NWD2: variants seen among roughly 807,000 people sequenced by gnomAD.
NWD2 encodes the protein NACHT and WD repeat domain-containing protein 2.
In NWD2, 37 loss-of-function variants were observed where a neutral mutation model predicts 132.7. That is an observed-to-expected ratio of 0.28 (90% CI 0.21 to 0.37). The LOEUF (loss-of-function observed/expected upper bound fraction) is 0.37, where lower values mean the gene tolerates loss of function less well. NWD2 is among the 10% of genes least tolerant of loss of function. The probability of loss-of-function intolerance (pLI) is 1.00; values close to 1 mark genes in which losing one functional copy is unlikely to be tolerated. For missense variants in NWD2, 1,592 were observed against 2,122.4 expected, an observed-to-expected ratio of 0.75 and a Z score of 4.91; for synonymous variants, 705 against 803.0, an observed-to-expected ratio of 0.88 and a Z score of 2.06.
At chr4:37,424,313 T>C (rs1711927694) in intron 3 of NWD2, among the ~76,000 whole-genome samples, 1 of 152,144 alleles carries the variant, frequency 6.6e-6, no homozygotes, top group Non-Finnish European at 1.5e-5. Flanking sequence ...AATAACTTGA[T>C]GAAGTAGAAA....
intron 3 of NWD2, among the ~76,000 whole-genome samples, chr4:37,382,960 G>T (rs978323909): frequency 7.2e-5 from 11 of 151,898 alleles, no homozygotes; most frequent in Non-Finnish European, 1.2e-4. Context: ...TCCCAAAGTG[G>T]TGGGGTTACT....
Position 37,354,940 on chromosome 4 carries a change from A to G in NWD2, c.241-1426A>G, listed in dbSNP as rs966850150. On this transcript the variant is annotated intron_variant, in intron 2 of 6. Transcript: ENST00000309447. ...GCCTGTCCATTATTTAACAAATTAG[A>G]CTATTTTATAGCCCTATTTATTCAT... is the stretch of plus-strand genomic sequence containing the variant. Among the ~76,000 whole-genome samples the G allele has an allele frequency of 1.1e-4, 16 of 152,096 alleles. 1 individual carries two copies. The highest frequency in any genetic ancestry group is 1.5e-5 in the Non-Finnish European group (1 of 68,010).
chr4:37,395,584 C>CAAAAAAAAAA (rs1156884728), intron 3 of NWD2, among the ~76,000 whole-genome samples: 580 of 18,276 alleles, frequency 0.032, 150 homozygotes, highest in Non-Finnish European at 0.042. Context: ...AACTCTGTCT[C>CAAAAAAAAAA]AAAAAAAAAA....
At chr4:37,356,763 TAAG>T (rs1719879095) in intron 3 of NWD2, among the ~76,000 whole-genome samples, 1 of 152,212 alleles carries the variant, frequency 6.6e-6, no homozygotes, top group South Asian at 2.1e-4. Flanking sequence ...TGATCAACAA[TAAG>T]GATTACTCTT....
In NWD2 at chr4:37,448,422, T is replaced by G. The variant is rs1712700721; in HGVS notation, c.*1205T>G. 1 of 152,220 alleles carries G rather than the reference T, an allele frequency of 6.6e-6. No individual in the cohort carries two copies. Among genetic ancestry groups the G allele is most frequent in the South Asian group, 2.1e-4 (1 of 4,830 alleles). The allele number at this position is 152,220 out of a possible 1,614,324, so 9.4% of individuals were successfully genotyped here. A position where few individuals can be genotyped will look rare whatever the true frequency, so the allele number is the denominator to read the frequency against. The stretch of plus-strand genomic sequence containing the variant: ...TCCTGATTGAGGACTCTTCTGAGCC[T>G]TTTATAGTCCTATCCATTTCAAAGC... On this transcript the variant is annotated 3_prime_UTR_variant, in exon 7 of 7. Coordinates refer to ENST00000309447, the MANE Select transcript of NWD2 (RefSeq NM_001144990.2).
At chr4:37,337,306 A>G (rs1719429128) in intron 2 of NWD2, among the ~76,000 whole-genome samples, 1 of 152,188 alleles carries the variant, frequency 6.6e-6, no homozygotes. Context: ...GTAGCTTTCA[A>G]AAGAAATTGC....
chr4:37,278,118 G>A (rs1424645148), intron 1 of NWD2, among the ~76,000 whole-genome samples: 4 of 152,080 alleles, frequency 2.6e-5, no homozygotes, highest in Admixed American at 2.6e-4. Flanking sequence ...TGTGTGTATG[G>A]GATGGGTAAT....
intron 3 of NWD2, among the ~76,000 whole-genome samples, chr4:37,414,820 T>A (rs772609156): frequency 6.6e-6 from 1 of 152,254 alleles, no homozygotes; most frequent in Non-Finnish European, 1.5e-5. Flanking sequence ...AGCATTTATG[T>A]GTCAGTTACC....
At position 37,347,854 on chromosome 4, in the gene NWD2, C is replaced by T. The variant is rs115565195; in HGVS notation, c.241-8512C>T. On this transcript the variant is annotated intron_variant, in intron 2 of 6. Coordinates refer to ENST00000309447, the MANE Select transcript of NWD2 (RefSeq NM_001144990.2). ...TCAACCACATCCAAATGGTGTCAGC[C>T]AAAAGAATCGAGACGAGATTATGTG... Among the ~76,000 whole-genome samples, 1,098 of 152,166 alleles carry T rather than the reference C, an allele frequency of 7.2e-3. 12 individuals are homozygous for T. Among genetic ancestry groups the T allele is most frequent in the African/African-American group, 0.024 (1,005 of 41,500 alleles).
chr4:37,268,179 A>G (rs1484158245), intron 1 of NWD2, among the ~76,000 whole-genome samples: 4 of 151,928 alleles, frequency 2.6e-5, no homozygotes, highest in Non-Finnish European at 5.9e-5. Context: ...GGGTCATCCT[A>G]CTAGCCCATT....
intron 2 of NWD2, among the ~76,000 whole-genome samples, chr4:37,336,996 G>T (rs968790342): frequency 1.4e-5 from 2 of 146,780 alleles, no homozygotes; most frequent in Admixed American, 6.8e-5. Context: ...CCTGTCAAAT[G>T]AGTAACTTTT....
intron 1 of NWD2, among the ~76,000 whole-genome samples, chr4:37,276,627 C>G (rs1180766558): frequency 6.6e-6 from 1 of 152,008 alleles, no homozygotes; most frequent in African/African-American, 2.4e-5. Context: ...ATTATAAATC[C>G]TTTATATCCT....
At chr4:37,408,750 G>A (rs561747051) in intron 3 of NWD2, among the ~76,000 whole-genome samples, 1 of 152,308 alleles carries the variant, frequency 6.6e-6, no homozygotes, top group South Asian at 2.1e-4. Context: ...TCTCCCAGTA[G>A]AGGCTGACAG....
In NWD2 at chr4:37,443,956, A is replaced by G; in HGVS notation, c.1968A>G (p.Lys656=). The change falls in exon 7 of 7, where the codon AAA becomes AAG. Residue 656 remains lysine (K), a synonymous_variant. Coordinates refer to ENST00000309447, the MANE Select transcript of NWD2 (RefSeq NM_001144990.2). The surrounding 1 kb of genome is among the most constrained non-coding windows in gnomAD (Gnocchi z 4.1). ...FWSLEKKCGQ[K]LVSRALGYIT... ...CCTTGGAGAAGAAGTGTGGTCAGAAACTGGTCTCTAGGGCTCTTGGTTACA... is the reference window on the plus strand; with the variant it reads ...CCTTGGAGAAGAAGTGTGGTCAGAAGCTGGTCTCTAGGGCTCTTGGTTACA... 1 of 1,552,300 alleles carries G rather than the reference A, an allele frequency of 6.4e-7. No homozygotes were observed. The highest frequency in any genetic ancestry group is 8.7e-7 in the Non-Finnish European group (1 of 1,147,130).
At chr4:37,290,758 A>AT (rs1221395060) in intron 1 of NWD2, among the ~76,000 whole-genome samples, 1 of 152,346 alleles carries the variant, frequency 6.6e-6, no homozygotes, top group Admixed American at 6.5e-5. Context: ...ATAGGTTCCT[A>AT]TGACATTTCT....
At chr4:37,377,109 T>C (rs1168869857) in intron 3 of NWD2, among the ~76,000 whole-genome samples, 2 of 152,212 alleles carry the variant, frequency 1.3e-5, no homozygotes. Flanking sequence ...AACTGTTTGC[T>C]GACCACTTTC....
intron 1 of NWD2, among the ~76,000 whole-genome samples, chr4:37,293,885 TAA>T (rs10579771): frequency 0.13 from 19,601 of 146,594 alleles, 1,498 homozygotes; most frequent in East Asian, 0.31. Flanking sequence ...ACACTGCATT[TAA>T]AAAAAAAAAA....
rs1486754262 is a variant in NWD2, at chr4:37,313,360, G to A, written c.152-12576G>A. On this transcript the variant is annotated intron_variant, in intron 1 of 6. Transcript: ENST00000309447. The stretch of plus-strand genomic sequence containing the variant: ...CTTCTTCCTGGTTTGGTCTTGGGAG[G>A]GTGTATGTGTTGAGGAATTTATCCA... 6.5e-5 allele frequency among the ~76,000 whole-genome samples: 7 copies of A among 108,362 alleles called. 1 individual carries two copies. The highest frequency in any genetic ancestry group is 1.1e-4 in the African/African-American group (4 of 37,230). The allele number at this position is 108,362 out of a possible 152,430, so 71.1% of individuals were successfully genotyped here. A position where few individuals can be genotyped will look rare whatever the true frequency, so the allele number is the denominator to read the frequency against.
chr4:37,250,124 G>C (rs1264907690), intron 1 of NWD2, among the ~76,000 whole-genome samples: 1 of 150,062 alleles, frequency 6.7e-6, no homozygotes, highest in Non-Finnish European at 1.5e-5. Flanking sequence ...ATGAGTAGTG[G>C]AAAAAATACA....
Sources: allele counts gnomAD v4.1 joint callset (sites outside exome capture counted in the v4.1 genomes callset), GRCh38; gene constraint gnomAD v4.1.1; non-coding constraint Gnocchi (gnomAD v3.1); transcripts MANE v1.5; gene names NCBI Gene and HGNC (gene_info 2026-07-23, HGNC 2026-07-21).